The following FXYD5 variants were observed in gnomAD, a reference collection of about 807,000 sequenced individuals.
The protein encoded by FXYD5 is FXYD domain-containing ion transport regulator 5.
Under a neutral mutation model 25.7 loss-of-function variants are expected in FXYD5, and 21 were observed. That is an observed-to-expected ratio of 0.82 (90% CI 0.58 to 1.18). The LOEUF (loss-of-function observed/expected upper bound fraction) is 1.18. Ranked by LOEUF, FXYD5 falls within the 50% of genes most tolerant of loss-of-function variation. The pLI is 0.00. For missense variants in FXYD5, 229 were observed against 227.7 expected (o/e 1.01, Z -0.04); for synonymous variants, 101 against 90.7 (o/e 1.11, Z -0.64).
intron 5 of FXYD5, 39 bp downstream of exon 5, chr19:35,160,840 G>A: frequency 7.7e-7 from 1 of 1,304,898 alleles, no homozygotes; most frequent in Non-Finnish European, 1.1e-6. Context: ...TACGATTTTT[G>A]TTTAATTCTC....
chr19:35,161,447 C>T (rs2065405355), intron 5 of FXYD5, among the ~76,000 whole-genome samples: 1 of 152,168 alleles, frequency 6.6e-6, no homozygotes, highest in Admixed American at 6.5e-5. Context: ...TACGTGGTGG[C>T]TAGAGAACAA....
Position 35,164,233 on chromosome 19 carries a change from C to G in FXYD5, c.370C>G (p.Leu124Val). Reference sequence around the variant, plus strand: ...AGACGTCCAGACAGACCCCCAGACCCTCAAGCCATCTGGTTAGTAACTGCC... The same window carrying G: ...AGACGTCCAGACAGACCCCCAGACCGTCAAGCCATCTGGTTAGTAACTGCC... ...STDVQTDPQT[L>V]KPSGFHEDDP... The change falls in exon 6 of 9, where the codon CTC becomes GTC. Residue 124 changes from leucine to valine, a missense_variant. By Grantham distance (32) the Leu-to-Val change is conservative. Transcript: ENST00000392219. The G allele has an allele frequency of 6.2e-7, 1 of 1,611,896 alleles. No individual in the cohort carries two copies. The highest frequency in any genetic ancestry group is 8.5e-7 in the Non-Finnish European group (1 of 1,179,096).
At chr19:35,155,449 G>A in intron 1 of FXYD5, 102 bp from the exon 2 acceptor site, 1 of 963,024 alleles carries the variant, frequency 1.0e-6, no homozygotes, top group Non-Finnish European at 1.7e-6. Context: ...GAAGCCAGAG[G>A]TTTTTGCTCA....
chr19:35,169,265 G>A (rs1282806429), intron 8 of FXYD5, among the ~76,000 whole-genome samples: 1 of 152,152 alleles, frequency 6.6e-6, no homozygotes, highest in African/African-American at 2.4e-5. Context: ...AGACAACTCT[G>A]CCAGGGCAGG....
chr19:35,155,459 A>T, intron 1 of FXYD5, 92 bp from the exon 2 acceptor site: 1 of 1,057,888 alleles, frequency 9.5e-7, no homozygotes, highest in South Asian at 1.3e-5. Context: ...GTTTTTGCTC[A>T]GGGCAGGGAA....
intron 4 of FXYD5, among the ~76,000 whole-genome samples, chr19:35,159,126 CAA>C (rs75150059): frequency 1.8e-4 from 21 of 119,336 alleles, no homozygotes; most frequent in Non-Finnish European, 1.4e-4. Flanking sequence ...AACCCTGTCT[CAA>C]AAAAAAAAAA....
At chr19:35,161,071 C>G (rs59086958) in intron 5 of FXYD5, among the ~76,000 whole-genome samples, 5,859 of 152,194 alleles carry the variant, frequency 0.038, 150 homozygotes, top group East Asian at 0.069. Flanking sequence ...GCAGTGTTTC[C>G]CTAACTGATA....
At chr19:35,155,366 CG>C (rs2065343286) in intron 1 of FXYD5, 184 bp from the exon 2 acceptor site, 2 of 598,286 alleles carry the variant, frequency 3.3e-6, no homozygotes. Flanking sequence ...AGCAGGGTGA[CG>C]GTTTGGTATC....
rs3458 is a variant in FXYD5 at position 35,169,767 on chromosome 19, G to A, written c.*152G>A. The stretch of plus-strand genomic sequence containing the variant: ...AAGCTGGAGCCAGGGCTGCCGGTCC[G>A]AGTCTCCTACCTCCCCCAACCCTGC... On this transcript the variant is annotated 3_prime_UTR_variant, in exon 9 of 9. Coordinates refer to ENST00000392219, the MANE Select transcript of FXYD5 (RefSeq NM_014164.6). The A allele has an allele frequency of 0.16, 98,890 of 637,644 alleles. 8,393 individuals are homozygous for A. Among genetic ancestry groups the A allele is most frequent in the Admixed American group, 0.21 (8,780 of 40,948 alleles). 39.5% of individuals were successfully genotyped at this position (637,644 alleles called of 1,614,324 possible). A position where few individuals can be genotyped will look rare whatever the true frequency, so the allele number is the denominator to read the frequency against.
At chr19:35,166,499 A>C (rs1404550326) in intron 8 of FXYD5, 174 bp downstream of exon 8, 1 of 537,970 alleles carries the variant, frequency 1.9e-6, no homozygotes, top group Non-Finnish European at 3.3e-6. Context: ...CCATTTATTG[A>C]GCTCTCAATA....
At chr19:35,158,462 C>T (rs1348155173) in intron 4 of FXYD5, 62 bp downstream of exon 4, 2 of 973,652 alleles carry the variant, frequency 2.1e-6, no homozygotes, top group African/African-American at 1.6e-5. Context: ...TCCCCTCTTC[C>T]TCTGACACTA....
At position 35,159,665 on chromosome 19, in the gene FXYD5, C is replaced by T. The variant is rs566882305; in HGVS notation, c.200-1044C>T. 2,013 of 1,539,142 alleles carry T rather than the reference C, an allele frequency of 1.3e-3. 4 individuals carry two copies. Among genetic ancestry groups the T allele is most frequent in the Non-Finnish European group, 1.6e-3 (1,810 of 1,142,124 alleles). On this transcript the variant is annotated intron_variant, in intron 4 of 8. Transcript: ENST00000392219. Reference sequence around the variant, plus strand: ...ACTTGGAATATGTACTGACTATGTGCTGGTCATGGTTCTAAATATTTTGCG... The same window carrying T: ...ACTTGGAATATGTACTGACTATGTGTTGGTCATGGTTCTAAATATTTTGCG...
At chr19:35,168,222 G>T (rs1275693280) in intron 8 of FXYD5, among the ~76,000 whole-genome samples, 1 of 152,176 alleles carries the variant, frequency 6.6e-6, no homozygotes, top group Non-Finnish European at 1.5e-5. Flanking sequence ...TGATGCTGGG[G>T]GCATGGTGGT....
chr19:35,159,544 A>G, intron 4 of FXYD5: 1 of 1,550,600 alleles, frequency 6.4e-7, no homozygotes, highest in East Asian at 2.4e-5. Context: ...ATGGAGTCAC[A>G]CACTTCTTGA....
intron 6 of FXYD5, 150 bp downstream of exon 6, chr19:35,164,395 T>A: frequency 1.4e-6 from 1 of 722,202 alleles, no homozygotes; most frequent in African/African-American, 1.8e-5. Flanking sequence ...GGTGGGCACA[T>A]GATAAATGTC....
At chr19:35,156,157 T>C (rs1041558042) in intron 2 of FXYD5, among the ~76,000 whole-genome samples, 1 of 152,174 alleles carries the variant, frequency 6.6e-6, no homozygotes, top group Admixed American at 6.5e-5. Context: ...GTCTTGCCCA[T>C]TTTACTGATG....
At chr19:35,165,986 T>C (rs980925985) in intron 6 of FXYD5, among the ~76,000 whole-genome samples, 156 bp from the exon 7 acceptor site, 2 of 151,936 alleles carry the variant, frequency 1.3e-5, no homozygotes, top group African/African-American at 4.8e-5. Flanking sequence ...GAAATGAGAT[T>C]AGAGGAATAA....
At chr19:35,168,973 G>C (rs951846324) in intron 8 of FXYD5, among the ~76,000 whole-genome samples, 3 of 151,296 alleles carry the variant, frequency 2.0e-5, no homozygotes, top group African/African-American at 7.3e-5. Flanking sequence ...TGAGGCGGGA[G>C]AATCGCTTGA....
intron 6 of FXYD5, among the ~76,000 whole-genome samples, 160 bp downstream of exon 6, chr19:35,164,405 C>T (rs559514493): frequency 6.6e-6 from 1 of 152,300 alleles, no homozygotes; most frequent in East Asian, 1.9e-4. Flanking sequence ...TGATAAATGT[C>T]TGAATAGATA....
Sources: gnomAD v4.1 joint callset for allele counts (sites outside exome capture counted in the v4.1 genomes callset) on GRCh38, gnomAD v4.1.1 for gene constraint, MANE v1.5 for transcripts, NCBI Gene and HGNC (gene_info 2026-07-23, HGNC 2026-07-21) for gene names.